Variants in TBC1D22A observed in about 807,000 individuals in gnomAD.
TBC1D22A encodes the protein putative GTPase activator.
A neutral mutation model predicts 60.2 loss-of-function variants in TBC1D22A; 38 were observed. That is an observed-to-expected ratio of 0.63 (90% CI 0.49 to 0.83). TBC1D22A has a LOEUF of 0.83. TBC1D22A is among the 40% of genes least tolerant of loss of function. The probability of loss-of-function intolerance (pLI) is 0.00; values close to 1 mark genes in which losing one functional copy is unlikely to be tolerated. For missense variants in TBC1D22A, 628 were observed against 701.0 expected, an observed-to-expected ratio of 0.90 and a Z score of 1.18; for synonymous variants, 302 against 281.7, an observed-to-expected ratio of 1.07 and a Z score of -0.72.
At chr22:47,087,785 G>T (rs1057156883) in intron 11 of TBC1D22A, among the ~76,000 whole-genome samples, 4 of 152,066 alleles carry the variant, frequency 2.6e-5, no homozygotes, top group South Asian at 2.1e-4. Flanking sequence ...ATGAATTAAG[G>T]TTCAATATAG....
intron 4 of TBC1D22A, among the ~76,000 whole-genome samples, chr22:46,843,414 CA>C (rs1161462424): frequency 6.7e-6 from 1 of 148,524 alleles, no homozygotes; most frequent in African/African-American, 2.6e-5. Context: ...CCTGGGATGC[CA>C]GGGGATTGAG....
intron 4 of TBC1D22A, among the ~76,000 whole-genome samples, chr22:46,821,559 G>A (rs183469512): frequency 1.2e-4 from 19 of 152,314 alleles, no homozygotes; most frequent in African/African-American, 4.6e-4. Context: ...TTTTCTTTAA[G>A]AATGTTGAAT....
chr22:46,840,578 C>T (rs952071785), intron 4 of TBC1D22A, among the ~76,000 whole-genome samples: 2 of 151,986 alleles, frequency 1.3e-5, no homozygotes, highest in Admixed American at 6.6e-5. Flanking sequence ...ACTAAAAATA[C>T]AAAAATTAGC....
chr22:46,897,309 G>C (rs2068727910), intron 7 of TBC1D22A, among the ~76,000 whole-genome samples: 1 of 152,256 alleles, frequency 6.6e-6, no homozygotes, highest in Non-Finnish European at 1.5e-5. Flanking sequence ...GTTACTTAGT[G>C]TACACCCTAT....
intron 11 of TBC1D22A, 77 bp from the exon 12 acceptor site, chr22:47,111,431 C>T: frequency 7.4e-7 from 1 of 1,343,852 alleles, no homozygotes; most frequent in Non-Finnish European, 1.1e-6. Context: ...TAAACCCTGA[C>T]TGTCGCAGAT....
intron 1 of TBC1D22A, among the ~76,000 whole-genome samples, chr22:46,765,618 A>T (rs943359901): frequency 6.6e-6 from 1 of 151,358 alleles, no homozygotes; most frequent in African/African-American, 2.4e-5. Context: ...GGCGCCCACC[A>T]GCACGCCTGT....
chr22:47,097,614 A>T (rs2065236662), intron 11 of TBC1D22A, among the ~76,000 whole-genome samples: 1 of 152,140 alleles, frequency 6.6e-6, no homozygotes, highest in Non-Finnish European at 1.5e-5. Context: ...CCATCTCAAA[A>T]AAAAAAGAAA....
chr22:47,000,335 G>C (rs1009830953), intron 10 of TBC1D22A, among the ~76,000 whole-genome samples: 13 of 152,140 alleles, frequency 8.5e-5, no homozygotes, highest in African/African-American at 3.1e-4. Context: ...GGGCAGATCG[G>C]AAGAGGGGCT....
intron 12 of TBC1D22A, among the ~76,000 whole-genome samples, chr22:47,130,112 C>T (rs2066629826): frequency 6.6e-6 from 1 of 152,236 alleles, no homozygotes. Context: ...TGCACTGTGC[C>T]TGTCATCCCT....
intron 11 of TBC1D22A, among the ~76,000 whole-genome samples, chr22:47,078,424 C>T (rs1467714227): frequency 6.6e-6 from 1 of 152,234 alleles, no homozygotes; most frequent in Non-Finnish European, 1.5e-5. Flanking sequence ...AGAGCTAAGA[C>T]AGGTGAGAAT....
chr22:46,889,822 C>T lies in TBC1D22A; in HGVS notation c.709-1444C>T, dbSNP rs376741726. Among the ~76,000 whole-genome samples, 13 of 152,234 alleles carry T rather than the reference C, an allele frequency of 8.5e-5. No individual in the cohort carries two copies. The East Asian group carries it at 1.2e-3, about 14-fold the overall frequency. On this transcript the variant is annotated intron_variant, in intron 5 of 12. Coordinates refer to ENST00000337137, the MANE Select transcript of TBC1D22A (RefSeq NM_014346.5). Reference sequence around the variant, plus strand: ...CACAGTGAGGAGGTGAGCACCTCCCCGGCCAGGGCTGGGATGGACTGCAGA... The same window carrying T: ...CACAGTGAGGAGGTGAGCACCTCCCTGGCCAGGGCTGGGATGGACTGCAGA...
At chr22:46,809,151 C>T (rs1342698372) in intron 4 of TBC1D22A, among the ~76,000 whole-genome samples, 1 of 152,162 alleles carries the variant, frequency 6.6e-6, no homozygotes, top group Non-Finnish European at 1.5e-5. Flanking sequence ...AGTCCAGGAC[C>T]GGGGTGCTGG....
Position 46,995,686 on chromosome 22 carries a change from G to A in TBC1D22A, c.1126-1948G>A, listed in dbSNP as rs1307382089. ...TGGAGCTGGGGGTTCTGTGAGTGCT[G>A]TTTCCACGTCACTGGGGCCTCCCGA... is the stretch of plus-strand genomic sequence containing the variant. On this transcript the variant is annotated intron_variant, in intron 9 of 12. Coordinates refer to ENST00000337137, the MANE Select transcript of TBC1D22A (RefSeq NM_014346.5). Among the ~76,000 whole-genome samples the A allele has an allele frequency of 2.0e-5, 3 of 152,276 alleles. No homozygotes were observed. The East Asian group carries it at 5.8e-4, about 29-fold the overall frequency.
intron 1 of TBC1D22A, among the ~76,000 whole-genome samples, chr22:46,781,876 A>G (rs1427942591): frequency 6.6e-6 from 1 of 152,176 alleles, no homozygotes; most frequent in Admixed American, 6.5e-5. Context: ...ATGTGTACCC[A>G]TTGACCAGAA....
intron 3 of TBC1D22A, among the ~76,000 whole-genome samples, chr22:46,796,331 T>A (rs2084651248): frequency 6.6e-6 from 1 of 151,942 alleles, no homozygotes; most frequent in African/African-American, 2.4e-5. Flanking sequence ...TTTCCCCCAC[T>A]CCCAGGTTAT....
chr22:46,793,713 G>T lies in TBC1D22A; in HGVS notation c.332G>T (p.Arg111Leu), dbSNP rs772304663. ...VLRNHSQRQG[R>L]PTLQEGPGLQ... The stretch of plus-strand genomic sequence containing the variant: ...CGTAACCACAGCCAGCGGCAGGGGC[G>T]GCCCACGCTGCAGGAGGGGCCAGGG... The change falls in exon 3 of 13, where the codon CGG (arginine) becomes CTG (leucine). Residue 111 changes from arginine (R) to leucine (L), a missense_variant. By Grantham distance (102) the Arg-to-Leu change is moderately radical. Transcript: ENST00000337137. 3 of 1,611,234 alleles carry T rather than the reference G, an allele frequency of 1.9e-6. No homozygotes were observed. The highest frequency in any genetic ancestry group is 2.2e-5 in the South Asian group (2 of 90,898).
chr22:47,097,618 AAAG>A (rs1339127068), intron 11 of TBC1D22A, among the ~76,000 whole-genome samples: 3 of 151,898 alleles, frequency 2.0e-5, no homozygotes, highest in Admixed American at 1.3e-4. Flanking sequence ...CTCAAAAAAA[AAAG>A]AAAGAAAAAG....
At chr22:47,017,289 G>A (rs2061941749) in intron 10 of TBC1D22A, among the ~76,000 whole-genome samples, 1 of 152,176 alleles carries the variant, frequency 6.6e-6, no homozygotes, top group African/African-American at 2.4e-5. Flanking sequence ...TAAGGAGACG[G>A]TCCATGCAGG....
intron 11 of TBC1D22A, among the ~76,000 whole-genome samples, chr22:47,095,799 G>A (rs1412122536): frequency 1.3e-5 from 2 of 152,236 alleles, no homozygotes; most frequent in African/African-American, 2.4e-5. Context: ...GTCAGGAGCT[G>A]CCCCAGGCCT....
Sources: allele counts gnomAD v4.1 joint callset (sites outside exome capture counted in the v4.1 genomes callset), GRCh38; gene constraint gnomAD v4.1.1; transcripts MANE v1.5; gene names NCBI Gene and HGNC (gene_info 2026-07-23, HGNC 2026-07-21).